POU6F2: variants seen among roughly 807,000 people sequenced by gnomAD.
The protein encoded by POU6F2 is POU class 6 homeobox 2.
A neutral mutation model predicts 71.3 loss-of-function variants in POU6F2; 31 were observed. The observed-to-expected ratio is 0.43, with a 90% CI of 0.33 to 0.59. POU6F2 has a LOEUF of 0.59. Ranked by LOEUF, POU6F2 falls within the 20% of genes least tolerant of loss-of-function variation. The pLI, the probability that POU6F2 is intolerant of heterozygous loss-of-function variation, is 0.04. For synonymous variants in POU6F2, 347 were observed against 355.7 expected (o/e 0.98, Z 0.27); for missense variants, 783 against 856.8 (o/e 0.91, Z 1.07).
rs1794474674 is a variant in POU6F2, at chr7:39,227,112, T to G, written c.598+19492T>G. ...CTTTTCTTTTCCCTGCTTTCATCTC[T>G]TCCTCCATGAACCACAGCTGAATAT... On this transcript the variant is annotated intron_variant, in intron 4 of 9. Transcript: ENST00000518318. Among the ~76,000 whole-genome samples, 3 of 152,224 alleles carry G rather than the reference T, an allele frequency of 2.0e-5. 1 individual carries two copies. The highest frequency in any genetic ancestry group is 2.0e-4 in the Admixed American group (3 of 15,282).
chr7:39,062,635 A>G (rs1285192102), intron 1 of POU6F2, among the ~76,000 whole-genome samples: 1 of 147,898 alleles, frequency 6.8e-6, no homozygotes, highest in African/African-American at 2.5e-5. Context: ...AGAGGGGAGG[A>G]GAAGATCCAG....
At chr7:39,135,345 G>A (rs562019772) in intron 2 of POU6F2, among the ~76,000 whole-genome samples, 6 of 152,166 alleles carry the variant, frequency 3.9e-5, no homozygotes, top group African/African-American at 1.4e-4. Context: ...AGCCATTGTG[G>A]CATTTACTTT....
At chr7:39,294,817 C>G (rs1784818103) in intron 4 of POU6F2, among the ~76,000 whole-genome samples, 1 of 152,108 alleles carries the variant, frequency 6.6e-6, no homozygotes, top group African/African-American at 2.4e-5. Context: ...CACCTCCCAC[C>G]TCAAGATTGA....
chr7:39,274,133 T>A (rs1784390692), intron 4 of POU6F2, among the ~76,000 whole-genome samples: 1 of 151,988 alleles, frequency 6.6e-6, no homozygotes, highest in Admixed American at 6.6e-5. Context: ...GTATAAAAAA[T>A]TCTCTTTCAA....
intron 4 of POU6F2, among the ~76,000 whole-genome samples, chr7:39,291,015 G>GAAAAAAAAAA (rs35704977): frequency 8.2e-6 from 1 of 122,432 alleles, no homozygotes; most frequent in Non-Finnish European, 1.7e-5. Context: ...AAAGAGGACA[G>GAAAAAAAAAA]AAAAAAAAAA....
At chr7:39,068,955 A>G (rs372546843) in intron 1 of POU6F2, among the ~76,000 whole-genome samples, 19 of 152,260 alleles carry the variant, frequency 1.2e-4, no homozygotes, top group Admixed American at 6.5e-4. Context: ...CCGGAAATCT[A>G]TATTTAACCC....
intron 6 of POU6F2, among the ~76,000 whole-genome samples, chr7:39,410,241 G>A (rs905240268): frequency 1.2e-4 from 18 of 152,166 alleles, no homozygotes; most frequent in African/African-American, 2.9e-4. Flanking sequence ...CTTGGGAGGC[G>A]GAGGTTGCAG....
At chr7:39,007,027 G>T (rs532080598) in intron 1 of POU6F2, among the ~76,000 whole-genome samples, 83 of 152,234 alleles carry the variant, frequency 5.5e-4, no homozygotes, top group African/African-American at 2.0e-3. Flanking sequence ...TCTCCAAAAC[G>T]TTAGATTTAT....
At chr7:39,223,607 T>C (rs1239565559) in intron 4 of POU6F2, among the ~76,000 whole-genome samples, 1 of 152,172 alleles carries the variant, frequency 6.6e-6, no homozygotes, top group East Asian at 1.9e-4. Flanking sequence ...ATCATCCTGT[T>C]TTTCTTTGCA....
chr7:39,156,342 A>G (rs1412035190), intron 2 of POU6F2, among the ~76,000 whole-genome samples: 1 of 152,170 alleles, frequency 6.6e-6, no homozygotes, highest in Non-Finnish European at 1.5e-5. Flanking sequence ...AGGCTTTTCC[A>G]TTATTCAGTA....
At chr7:39,370,943 G>A (rs1464749033) in intron 5 of POU6F2, among the ~76,000 whole-genome samples, 1 of 152,134 alleles carries the variant, frequency 6.6e-6, no homozygotes, top group Non-Finnish European at 1.5e-5. Flanking sequence ...TTCTCAATAT[G>A]TAGGTAGACA....
intron 6 of POU6F2, among the ~76,000 whole-genome samples, chr7:39,423,761 A>G (rs950955417): frequency 1.3e-5 from 2 of 152,200 alleles, no homozygotes; most frequent in African/African-American, 4.8e-5. Context: ...TCCATTTCCA[A>G]AAAGATGCCT....
chr7:39,103,377 A>G (rs764845058), intron 2 of POU6F2, among the ~76,000 whole-genome samples: 1 of 152,172 alleles, frequency 6.6e-6, no homozygotes, highest in Non-Finnish European at 1.5e-5. Context: ...TTGGAGGGAG[A>G]TGGAGTCTTG....
intron 4 of POU6F2, among the ~76,000 whole-genome samples, chr7:39,242,546 G>T (rs186724650): frequency 1.8e-3 from 269 of 150,090 alleles, no homozygotes; most frequent in African/African-American, 6.2e-3. Flanking sequence ...AGGCTTTTTT[G>T]GGGGGGGTCA....
At chr7:39,259,094 C>T (rs1026890395) in intron 4 of POU6F2, among the ~76,000 whole-genome samples, 1 of 152,080 alleles carries the variant, frequency 6.6e-6, no homozygotes, top group African/African-American at 2.4e-5. Flanking sequence ...GGTAATCACT[C>T]TATCAAAAGT....
intron 5 of POU6F2, among the ~76,000 whole-genome samples, chr7:39,399,642 C>T (rs1220214846): frequency 1.3e-5 from 2 of 152,018 alleles, no homozygotes; most frequent in East Asian, 3.9e-4. Context: ...TCACTGGAGC[C>T]CAGGAGTTTG....
chr7:39,047,582 C>T (rs894889653), intron 1 of POU6F2, among the ~76,000 whole-genome samples: 6 of 151,666 alleles, frequency 4.0e-5, no homozygotes, highest in African/African-American at 1.2e-4. Context: ...TTGTAGAAGG[C>T]GTGTGGTGTG....
chr7:39,318,290 G>A (rs900641764), intron 4 of POU6F2, among the ~76,000 whole-genome samples: 4 of 152,220 alleles, frequency 2.6e-5, no homozygotes, highest in African/African-American at 7.2e-5. Flanking sequence ...TGCACCAGAA[G>A]CTTGTTTAAA....
chr7:39,097,003 T>A (rs1021313898), intron 2 of POU6F2, among the ~76,000 whole-genome samples: 2 of 152,196 alleles, frequency 1.3e-5, no homozygotes, highest in Non-Finnish European at 2.9e-5. Context: ...TGATTTCATA[T>A]CTTTAATATA....
Sources: gnomAD v4.1 joint callset for allele counts (sites outside exome capture counted in the v4.1 genomes callset) on GRCh38, gnomAD v4.1.1 for gene constraint, MANE v1.5 for transcripts, NCBI Gene and HGNC (gene_info 2026-07-23, HGNC 2026-07-21) for gene names.